The following GRM4 variants were observed in gnomAD, a reference collection of about 807,000 sequenced individuals.
GRM4 encodes the protein metabotropic glutamate receptor 4.
In GRM4, 28 loss-of-function variants were observed where a neutral mutation model predicts 81.7. The observed-to-expected ratio is 0.34, with a 90% CI of 0.25 to 0.47. The LOEUF (loss-of-function observed/expected upper bound fraction) is 0.47. Ranked by LOEUF, GRM4 falls within the 20% of genes least tolerant of loss-of-function variation. The pLI, the probability that GRM4 is intolerant of heterozygous loss-of-function variation, is 1.00. For synonymous variants in GRM4, 488 were observed against 528.8 expected, an observed-to-expected ratio of 0.92 and a Z score of 1.06; for missense variants, 948 against 1,290.0, an observed-to-expected ratio of 0.73 and a Z score of 4.06.
At chr6:34,129,255 T>A (rs971845650) in intron 2 of GRM4, among the ~76,000 whole-genome samples, 3 of 152,294 alleles carry the variant, frequency 2.0e-5, no homozygotes, top group Non-Finnish European at 2.9e-5. Flanking sequence ...CCTCAGGTGA[T>A]CCACCCGCGT....
intron 10 of GRM4, among the ~76,000 whole-genome samples, chr6:34,027,228 G>A (rs1329436888): frequency 6.6e-6 from 1 of 152,194 alleles, no homozygotes; most frequent in Non-Finnish European, 1.5e-5. Flanking sequence ...GTTGATCAGA[G>A]AGGGAAGGGT....
chr6:34,088,545 G>A (rs1450754305), intron 3 of GRM4, among the ~76,000 whole-genome samples: 2 of 152,190 alleles, frequency 1.3e-5, no homozygotes, highest in African/African-American at 4.8e-5. Flanking sequence ...GCACAGGTCT[G>A]CCCGAAGGAG....
rs1030377373 is a variant in GRM4 at position 34,102,247 on chromosome 6, A to G, written c.520-10148T>C. ...TTGGGAGCCCCTGCCAAGTGCTAAT[A>G]AAATGCCCTTTACAGCTCAGCTCAG... On this transcript the variant is annotated intron_variant, in intron 2 of 10. Coordinates refer to ENST00000538487, the MANE Select transcript of GRM4 (RefSeq NM_000841.4). The G allele has an allele frequency of 1.3e-5, 15 of 1,130,176 alleles. No individual in the cohort carries two copies. In the East Asian group the frequency reaches 3.9e-4, roughly 29 times the overall value. The allele number at this position is 1,130,176 out of a possible 1,614,324, so 70.0% of individuals were successfully genotyped here. A position where few individuals can be genotyped will look rare whatever the true frequency, so the allele number is the denominator to read the frequency against.
intron 1 of GRM4, among the ~76,000 whole-genome samples, chr6:34,137,913 T>C (rs1770526562): frequency 6.6e-6 from 1 of 152,068 alleles, no homozygotes; most frequent in Admixed American, 6.5e-5. Flanking sequence ...TAGTATAATA[T>C]TAACAAGCAG....
intron 2 of GRM4, among the ~76,000 whole-genome samples, chr6:34,122,199 ACT>A (rs1229274530): frequency 2.0e-5 from 3 of 151,302 alleles, no homozygotes; most frequent in Non-Finnish European, 3.0e-5. Flanking sequence ...GAGCCCCAAC[ACT>A]CTCTCTCTGT....
At chr6:34,028,427 G>T (rs1334577705) in intron 9 of GRM4, 61 bp from the exon 10 acceptor site, 1 of 1,552,020 alleles carries the variant, frequency 6.4e-7, no homozygotes, top group Non-Finnish European at 8.7e-7. Context: ...CCTGACTCCC[G>T]CCAGTTCCCA....
rs561982349 is a variant in GRM4 at position 34,064,104 on chromosome 6, G to A, written c.737-2076C>T. On this transcript the variant is annotated intron_variant, in intron 3 of 10. Transcript: ENST00000538487. The surrounding 1 kb of genome is among the most constrained non-coding windows in gnomAD (Gnocchi z 4.4). ...ATTAGGTGACCACGGCTCAGTCAGC[G>A]GGAGTGTGAGTGAGCCACAAGCAAC... Among the ~76,000 whole-genome samples the A allele has an allele frequency of 3.9e-5, 6 of 152,278 alleles. No individual in the cohort carries two copies. Among genetic ancestry groups the A allele is most frequent in the South Asian group, 4.1e-4 (2 of 4,822 alleles).
intron 6 of GRM4, among the ~76,000 whole-genome samples, chr6:34,046,402 G>A (rs913820252): frequency 6.6e-6 from 1 of 152,200 alleles, no homozygotes; most frequent in African/African-American, 2.4e-5. Context: ...CTTAGGCTGA[G>A]AAGTCCCCAA....
chr6:34,091,007 A>T (rs936984986), intron 3 of GRM4, among the ~76,000 whole-genome samples: 7 of 152,022 alleles, frequency 4.6e-5, no homozygotes, highest in Non-Finnish European at 8.8e-5. Context: ...ACCATCCTTC[A>T]GCCCCACAGC....
exon 1 of GRM4, chr6:34,155,477 G>A (rs1409014117): frequency 1.2e-6 from 1 of 843,182 alleles, no homozygotes; most frequent in Non-Finnish European, 1.7e-6. Flanking sequence ...TACCTAGAGA[G>A]CTTTAAAATT....
At chr6:34,113,174 T>C (rs983556813) in intron 2 of GRM4, among the ~76,000 whole-genome samples, 2 of 151,916 alleles carry the variant, frequency 1.3e-5, no homozygotes, top group Admixed American at 6.6e-5. Context: ...TTCATTTCTT[T>C]CTATTTTAGA....
rs1766621308 is a variant in GRM4, at chr6:34,068,758, C to T, written c.737-6730G>A. Among the ~76,000 whole-genome samples, 1 of 152,112 alleles carries T rather than the reference C, an allele frequency of 6.6e-6. No individual in the cohort carries two copies. The highest frequency in any genetic ancestry group is 1.5e-5 in the Non-Finnish European group (1 of 68,016). On this transcript the variant is annotated intron_variant, in intron 3 of 10. Transcript: ENST00000538487. This position sits in a 1 kb window ranked among gnomAD's most constrained non-coding sequence, Gnocchi z 4.2. ...CTGTGGGGAGACAGTCAGGGGTCCC[C>T]CAGGCTGTCACCTTGGACACTGGGC...
At position 34,126,749 on chromosome 6, in the gene GRM4, G is replaced by C. The variant is rs150059448; in HGVS notation, c.519+6229C>G. Among the ~76,000 whole-genome samples the C allele has an allele frequency of 5.3e-3, 803 of 152,308 alleles. 10 individuals are homozygous for C. Among genetic ancestry groups the C allele is most frequent in the Middle Eastern group, 0.014 (4 of 294 alleles). ...TGCTGCAGACATGGGGGCTGCAGAGGTCTCCCTCCCATTCCCCATCCCTCC... is the reference window on the plus strand; with the variant it reads ...TGCTGCAGACATGGGGGCTGCAGAGCTCTCCCTCCCATTCCCCATCCCTCC... On this transcript the variant is annotated intron_variant, in intron 2 of 10. Coordinates refer to ENST00000538487, the MANE Select transcript of GRM4 (RefSeq NM_000841.4).
intron 3 of GRM4, chr6:34,062,367 C>T (rs530681443): frequency 7.4e-4 from 192 of 259,306 alleles, no homozygotes; most frequent in African/African-American, 3.8e-3. Flanking sequence ...GCTGTGTGAC[C>T]TTAGGTCAGT....
chr6:34,096,241 C>G (rs1279104789), intron 2 of GRM4, among the ~76,000 whole-genome samples: 1 of 152,178 alleles, frequency 6.6e-6, no homozygotes, highest in Non-Finnish European at 1.5e-5. Flanking sequence ...CACAGGCGTC[C>G]TGCTCTAGGT....
At chr6:34,093,075 G>A (rs969263142) in intron 2 of GRM4, among the ~76,000 whole-genome samples, 3 of 152,194 alleles carry the variant, frequency 2.0e-5, no homozygotes, top group African/African-American at 7.2e-5. Context: ...GGGAGACAGG[G>A]GTGGGGAATG....
rs770138172 is a variant in GRM4, at chr6:34,036,152, G to A, written c.1958C>T (p.Ser653Leu). ...TAGTCCCAGGAAGATTCGGCGCAGC[G>A]AGCAGGTGCCAAGGTCGGGCTCAGC... is the stretch of plus-strand genomic sequence containing the variant. ...MIAEPDLGTC[S>L]LRRIFLGLGM... The change falls in exon 9 of 11, where the codon TCG becomes TTG. Residue 653 changes from serine (S) to leucine (L), a missense_variant. Coordinates refer to ENST00000538487, the MANE Select transcript of GRM4 (RefSeq NM_000841.4). The surrounding 1 kb of genome is among the most constrained non-coding windows in gnomAD (Gnocchi z 9.0). The A allele has an allele frequency of 1.9e-6, 3 of 1,614,180 alleles. No individual in the cohort carries two copies. The highest frequency in any genetic ancestry group is 1.7e-6 in the Non-Finnish European group (2 of 1,180,006).
chr6:34,139,002 A>G (rs1196094820), intron 1 of GRM4, among the ~76,000 whole-genome samples: 4 of 152,232 alleles, frequency 2.6e-5, no homozygotes, highest in African/African-American at 9.6e-5. Flanking sequence ...TGGAACCTTC[A>G]ACCCACCCCA....
At chr6:34,118,199 G>T (rs1359659619) in intron 2 of GRM4, among the ~76,000 whole-genome samples, 1 of 152,220 alleles carries the variant, frequency 6.6e-6, no homozygotes, top group African/African-American at 2.4e-5. Flanking sequence ...CCAAATCTGT[G>T]ACAAACATGC....
Sources: gnomAD v4.1 joint callset for allele counts (sites outside exome capture counted in the v4.1 genomes callset) on GRCh38, gnomAD v4.1.1 for gene constraint, Gnocchi (gnomAD v3.1) non-coding constraint, MANE v1.5 for transcripts, NCBI Gene and HGNC (gene_info 2026-07-23, HGNC 2026-07-21) for gene names.